The following CACNA2D2 variants were observed in gnomAD, a reference collection of about 807,000 sequenced individuals.
CACNA2D2 encodes calcium voltage-gated channel auxiliary subunit alpha2delta 2, also known as voltage-dependent calcium channel subunit alpha-2/delta-2.
A neutral mutation model predicts 166.4 loss-of-function variants in CACNA2D2; 48 were observed. The ratio of observed to expected loss-of-function variants is 0.29; its 90% CI spans 0.23 to 0.37. The LOEUF is 0.37. Among genes scored for constraint, CACNA2D2 ranks in the 10% least tolerant of loss-of-function variants. The probability of loss-of-function intolerance (pLI) is 1.00; values close to 1 mark genes in which losing one functional copy is unlikely to be tolerated. For synonymous variants in CACNA2D2, 561 were observed against 573.7 expected, an observed-to-expected ratio of 0.98 and a Z score of 0.32; for missense variants, 1,122 against 1,433.0, an observed-to-expected ratio of 0.78 and a Z score of 3.50.
At chr3:50,438,062 CAG>C (rs1375137345) in intron 2 of CACNA2D2, among the ~76,000 whole-genome samples, 1 of 152,226 alleles carries the variant, frequency 6.6e-6, no homozygotes, top group Admixed American at 6.5e-5. Context: ...CTTTAACCCA[CAG>C]AGAGTGCCAG....
chr3:50,380,633 G>T lies in CACNA2D2; in HGVS notation c.842+115C>A. Reference sequence around the variant, plus strand: ...GGCAACCATGTGTGAAATGAAAATTGGATACAGCTGGCTGCGCCCTGCTAG... The same window carrying T: ...GGCAACCATGTGTGAAATGAAAATTTGATACAGCTGGCTGCGCCCTGCTAG... On this transcript the variant is annotated intron_variant, in intron 8 of 37. Coordinates refer to ENST00000424201, the MANE Select transcript of CACNA2D2 (RefSeq NM_006030.4). The surrounding 1 kb of genome is among the most constrained non-coding windows in gnomAD (Gnocchi z 4.9). The T allele has an allele frequency of 2.4e-6, 2 of 839,572 alleles. No homozygotes were observed. The highest frequency in any genetic ancestry group is 3.6e-6 in the Non-Finnish European group (2 of 553,824). 52.0% of individuals were successfully genotyped at this position (839,572 alleles called of 1,614,324 possible).
At chr3:50,457,840 A>C (rs141525196) in intron 2 of CACNA2D2, among the ~76,000 whole-genome samples, 126 of 152,324 alleles carry the variant, frequency 8.3e-4, no homozygotes, top group African/African-American at 2.9e-3. Flanking sequence ...GCTTCAGAAG[A>C]AGCTCAATCT....
At chr3:50,371,308 G>A (rs867017304) in intron 22 of CACNA2D2, among the ~76,000 whole-genome samples, 17 of 152,214 alleles carry the variant, frequency 1.1e-4, no homozygotes, top group South Asian at 4.1e-4. Flanking sequence ...CTGTGCCCTG[G>A]GCTTATGAGC....
chr3:50,494,223 C>T (rs1199073243), intron 1 of CACNA2D2, among the ~76,000 whole-genome samples: 1 of 152,156 alleles, frequency 6.6e-6, no homozygotes, highest in Non-Finnish European at 1.5e-5. Flanking sequence ...CTGCCAGCTC[C>T]TTCTCTTTTC....
At chr3:50,402,419 C>T (rs1169979650) in intron 3 of CACNA2D2, among the ~76,000 whole-genome samples, 1 of 152,222 alleles carries the variant, frequency 6.6e-6, no homozygotes, top group Non-Finnish European at 1.5e-5. Flanking sequence ...CTCAGGGCTG[C>T]AGGTCTCTGC....
chr3:50,381,726 C>T (rs60256378), intron 6 of CACNA2D2, among the ~76,000 whole-genome samples: 2,007 of 152,112 alleles, frequency 0.013, 42 homozygotes, highest in African/African-American at 0.046. Context: ...TACACGCATG[C>T]GCACACTGCA....
At position 50,365,017 on chromosome 3, in the gene CACNA2D2, G is replaced by C; in HGVS notation, c.3209-47C>G. On this transcript the variant is annotated intron_variant, in intron 36 of 37. Coordinates refer to ENST00000424201, the MANE Select transcript of CACNA2D2 (RefSeq NM_006030.4). The surrounding 1 kb of genome is among the most constrained non-coding windows in gnomAD (Gnocchi z 4.5). ...AGGAGGCGGACGGCGGCGGCGGCACGGAGGGGGCGCGCGGGGCAGAGGGGG... is the reference window on the plus strand; with the variant it reads ...AGGAGGCGGACGGCGGCGGCGGCACCGAGGGGGCGCGCGGGGCAGAGGGGG... 2 of 1,604,920 alleles carry C rather than the reference G, an allele frequency of 1.2e-6. No homozygotes were observed. Among genetic ancestry groups the C allele is most frequent in the South Asian group, 1.1e-5 (1 of 90,744 alleles).
At chr3:50,406,387 G>A (rs1439555101) in intron 3 of CACNA2D2, among the ~76,000 whole-genome samples, 2 of 151,708 alleles carry the variant, frequency 1.3e-5, no homozygotes, top group Non-Finnish European at 2.9e-5. Context: ...GCCCACGAGT[G>A]GGACAGGGCT....
intron 2 of CACNA2D2, among the ~76,000 whole-genome samples, chr3:50,471,406 C>T (rs1262348188): frequency 6.6e-6 from 1 of 152,160 alleles, no homozygotes; most frequent in Admixed American, 6.5e-5. Context: ...GCTTCTTGTG[C>T]TCCTCTTGCC....
chr3:50,448,077 C>A lies in CACNA2D2; in HGVS notation c.289-13648G>T, dbSNP rs1397821821. On this transcript the variant is annotated intron_variant, in intron 2 of 37. Coordinates refer to ENST00000424201, the MANE Select transcript of CACNA2D2 (RefSeq NM_006030.4). ...TCTGAGTTGCTATCACTTCCCCCTA[C>A]CCTAGGGCCCTTAGGGAATGCTGGA... Among the ~76,000 whole-genome samples the A allele has an allele frequency of 1.3e-5, 2 of 152,158 alleles. 1 individual carries two copies. The highest frequency in any genetic ancestry group is 4.8e-5 in the African/African-American group (2 of 41,430).
Position 50,407,993 on chromosome 3 carries a change from T to G in CACNA2D2, c.406-13825A>C, listed in dbSNP as rs200161166. Among the ~76,000 whole-genome samples, 23 of 152,320 alleles carry G rather than the reference T, an allele frequency of 1.5e-4. No individual in the cohort carries two copies. In the East Asian group the frequency reaches 2.9e-3, roughly 19 times the overall value. ...TTGGTGCGGTAGGTGTTTGTGCTTA[T>G]GAACATGGCCCAGCCTCTTCCACAG... On this transcript the variant is annotated intron_variant, in intron 3 of 37. Coordinates refer to ENST00000424201, the MANE Select transcript of CACNA2D2 (RefSeq NM_006030.4).
At chr3:50,399,443 T>TGAGCCAGGCAGAAGCTGTGATGGA (rs1706331981) in intron 3 of CACNA2D2, among the ~76,000 whole-genome samples, 1 of 152,190 alleles carries the variant, frequency 6.6e-6, no homozygotes, top group Non-Finnish European at 1.5e-5. Context: ...CACTGAGGGC[T>TGAGCCAGGCAGAAGCTGTGATGGA]GAGCCAGGCA....
intron 6 of CACNA2D2, among the ~76,000 whole-genome samples, chr3:50,381,981 TACACACACACACAC>T (rs34662551): frequency 1.7e-4 from 23 of 133,462 alleles, no homozygotes; most frequent in South Asian, 2.6e-4. Context: ...GATCTATCCC[TACACACACACACAC>T]ACACACACAC....
intron 5 of CACNA2D2, 80 bp downstream of exon 5, chr3:50,387,488 G>A: frequency 8.5e-7 from 1 of 1,173,984 alleles, no homozygotes. Flanking sequence ...AGAATGTGTG[G>A]CGCTGAGTCC....
At chr3:50,401,238 TA>T (rs34460719) in intron 3 of CACNA2D2, among the ~76,000 whole-genome samples, 43,885 of 151,786 alleles carry the variant, frequency 0.29, 8,918 homozygotes, top group African/African-American at 0.54. Context: ...TGCAAATTGA[TA>T]AAAAAAATTA....
In CACNA2D2 at chr3:50,427,027, C is replaced by T. The variant is rs1306330280; in HGVS notation, c.405+7286G>A. Among the ~76,000 whole-genome samples the T allele has an allele frequency of 3.3e-5, 5 of 152,086 alleles. No individual in the cohort carries two copies. Among genetic ancestry groups the T allele is most frequent in the African/African-American group, 4.8e-5 (2 of 41,434 alleles). On this transcript the variant is annotated intron_variant, in intron 3 of 37. Transcript: ENST00000424201. This position sits in a 1 kb window ranked among gnomAD's most constrained non-coding sequence, Gnocchi z 4.7. ...AGACAGAGATGCAGGCAGGGGAGGC[C>T]GTCCCCACACTCATGTCCAGCTGTT...
At chr3:50,393,789 CAAAGGCCTCT>C (rs1706004619) in intron 4 of CACNA2D2, among the ~76,000 whole-genome samples, 1 of 152,206 alleles carries the variant, frequency 6.6e-6, no homozygotes. Context: ...TCCTGAAGTC[CAAAGGCCTCT>C]GACCCGGGGG....
At chr3:50,490,935 C>T (rs1698495272) in intron 1 of CACNA2D2, among the ~76,000 whole-genome samples, 1 of 152,202 alleles carries the variant, frequency 6.6e-6, no homozygotes, top group Non-Finnish European at 1.5e-5. Context: ...AAGCCAAGCA[C>T]CGAAGGACAG....
intron 22 of CACNA2D2, among the ~76,000 whole-genome samples, chr3:50,373,674 T>G (rs1427706562): frequency 3.4e-3 from 212 of 62,968 alleles, no homozygotes; most frequent in African/African-American, 3.5e-3. Flanking sequence ...GAGAGAGAGA[T>G]GGAGGAGGTG....
Sources: allele counts gnomAD v4.1 joint callset (sites outside exome capture counted in the v4.1 genomes callset), GRCh38; gene constraint gnomAD v4.1.1; non-coding constraint Gnocchi (gnomAD v3.1); transcripts MANE v1.5; gene names NCBI Gene and HGNC (gene_info 2026-07-23, HGNC 2026-07-21).